Variants in CNTN5 observed in about 807,000 individuals in gnomAD.
CNTN5 encodes the protein contactin 5, also known as contactin-5.
A neutral mutation model predicts 129.1 loss-of-function variants in CNTN5; 77 were observed. The observed-to-expected ratio is 0.60, with a 90% confidence interval of 0.50 to 0.72. CNTN5 has a LOEUF of 0.72. Ranked by LOEUF, CNTN5 falls within the 30% of genes least tolerant of loss-of-function variation. CNTN5 has a pLI of 0.00. For synonymous variants in CNTN5, 509 were observed against 465.6 expected, an observed-to-expected ratio of 1.09 and a Z score of -1.20; for missense variants, 1,478 against 1,328.8, an observed-to-expected ratio of 1.11 and a Z score of -1.75.
intron 15 of CNTN5, among the ~76,000 whole-genome samples, chr11:100,197,682 C>G (rs948997380): frequency 6.6e-6 from 1 of 151,946 alleles, no homozygotes; most frequent in African/African-American, 2.4e-5. Flanking sequence ...GACTTGAAGT[C>G]CTCTAATTAT....
intron 2 of CNTN5, among the ~76,000 whole-genome samples, chr11:99,433,461 TAAAC>T (rs2135116889): frequency 6.6e-6 from 1 of 151,994 alleles, no homozygotes; most frequent in South Asian, 2.1e-4. Flanking sequence ...ATTTTTATGA[TAAAC>T]ATATCAGTTA....
chr11:99,598,253 GCTTTCC>G (rs1950184500), intron 3 of CNTN5, among the ~76,000 whole-genome samples: 2 of 88,358 alleles, frequency 2.3e-5, no homozygotes, highest in African/African-American at 3.9e-5. Flanking sequence ...CTTTTTCTTA[GCTTTCC>G]TTTTCTTTTC....
intron 13 of CNTN5, among the ~76,000 whole-genome samples, chr11:100,150,420 G>A (rs927933793): frequency 8.6e-5 from 13 of 151,778 alleles, no homozygotes; most frequent in African/African-American, 2.9e-4. Flanking sequence ...TTTCTTTAAT[G>A]TGTATGGCCA....
chr11:99,996,185 A>G (rs547350496), intron 8 of CNTN5, among the ~76,000 whole-genome samples: 1 of 151,844 alleles, frequency 6.6e-6, no homozygotes, highest in Non-Finnish European at 1.5e-5. Flanking sequence ...TTGCCAATTC[A>G]GTTATTAATT....
chr11:100,288,618 G>C (rs1338178639), intron 18 of CNTN5, among the ~76,000 whole-genome samples: 4 of 152,052 alleles, frequency 2.6e-5, no homozygotes, highest in African/African-American at 9.6e-5. Flanking sequence ...AGTGTGTACA[G>C]GGAAATTTAT....
intron 7 of CNTN5, among the ~76,000 whole-genome samples, chr11:99,919,794 T>C (rs1359938856): frequency 6.7e-6 from 1 of 149,704 alleles, no homozygotes; most frequent in Non-Finnish European, 1.5e-5. Flanking sequence ...TTTTGACTTT[T>C]CTAGAATATT....
rs539811239 is a variant in CNTN5 at position 99,254,425 on chromosome 11, G to A, written c.-209-70921G>A. On this transcript the variant is annotated intron_variant, in intron 1 of 24. Transcript: ENST00000524871. The stretch of plus-strand genomic sequence containing the variant: ...AGAATTATTTGTTATGAGAAAAGTA[G>A]TCATTTTGTTTTTCTCCAATTTGGA... 3.9e-5 allele frequency among the ~76,000 whole-genome samples: 6 copies of A among 152,068 alleles called. No homozygotes were observed. The East Asian group carries it at 1.2e-3, about 29-fold the overall frequency.
chr11:99,997,271 T>A (rs1337839889), intron 8 of CNTN5, among the ~76,000 whole-genome samples: 1 of 152,230 alleles, frequency 6.6e-6, no homozygotes, highest in Non-Finnish European at 1.5e-5. Context: ...ATATCTTGCC[T>A]TCTGCTAGCT....
At position 99,556,186 on chromosome 11, in the gene CNTN5, T is replaced by C; in HGVS notation, c.-29T>C. The C allele has an allele frequency of 7.0e-7, 1 of 1,432,812 alleles. No homozygotes were observed. Among genetic ancestry groups the C allele is most frequent in the Non-Finnish European group, 9.5e-7 (1 of 1,058,090 alleles). 88.8% of individuals were successfully genotyped at this position (1,432,812 alleles called of 1,614,324 possible). A position where few individuals can be genotyped will look rare whatever the true frequency, so the allele number is the denominator to read the frequency against. Reference sequence around the variant, plus strand: ...GAAACACCAGAGCTGTTAAACACATTGAGACACAGAAGATTCTAGTGACTG... The same window carrying C: ...GAAACACCAGAGCTGTTAAACACATCGAGACACAGAAGATTCTAGTGACTG... On this transcript the variant is annotated 5_prime_UTR_variant, in exon 3 of 25. Coordinates refer to ENST00000524871, the MANE Select transcript of CNTN5 (RefSeq NM_014361.4).
intron 13 of CNTN5, among the ~76,000 whole-genome samples, chr11:100,081,796 A>G (rs1565222663): frequency 6.6e-6 from 1 of 152,238 alleles, no homozygotes; most frequent in Admixed American, 6.5e-5. Context: ...ATGGAAATTG[A>G]CAAACATCTC....
intron 11 of CNTN5, among the ~76,000 whole-genome samples, 195 bp from the exon 12 acceptor site, chr11:100,071,510 A>T (rs1943922524): frequency 6.6e-6 from 1 of 152,194 alleles, no homozygotes. Context: ...TTCTTTTTCA[A>T]CCAATAAATA....
At chr11:99,736,714 A>C (rs752815171) in intron 3 of CNTN5, among the ~76,000 whole-genome samples, 2 of 152,178 alleles carry the variant, frequency 1.3e-5, no homozygotes, top group African/African-American at 2.4e-5. Flanking sequence ...GGTGATATTT[A>C]TACCAAAAAT....
At chr11:100,091,468 G>A (rs1198563502) in intron 13 of CNTN5, among the ~76,000 whole-genome samples, 2 of 96,952 alleles carry the variant, frequency 2.1e-5, no homozygotes, top group African/African-American at 4.1e-5. Flanking sequence ...TCACCCTTTT[G>A]CCCAGGCTAG....
At chr11:99,861,310 C>A (rs193187718) in intron 6 of CNTN5, among the ~76,000 whole-genome samples, 25 of 152,218 alleles carry the variant, frequency 1.6e-4, no homozygotes, top group African/African-American at 6.0e-4. Context: ...GCATAGTTCT[C>A]CTTGGAGAGA....
At chr11:99,802,011 A>C (rs1946128905) in intron 3 of CNTN5, among the ~76,000 whole-genome samples, 1 of 152,140 alleles carries the variant, frequency 6.6e-6, no homozygotes, top group Non-Finnish European at 1.5e-5. Flanking sequence ...GATTTCTAAT[A>C]TTTGTAATTT....
chr11:99,411,847 T>C (rs1942409193), intron 2 of CNTN5, among the ~76,000 whole-genome samples: 2 of 152,224 alleles, frequency 1.3e-5, no homozygotes. Context: ...TTCTTACATA[T>C]GGTTGATTGG....
intron 1 of CNTN5, among the ~76,000 whole-genome samples, chr11:99,102,896 G>A (rs540224875): frequency 3.9e-5 from 6 of 152,038 alleles, no homozygotes; most frequent in South Asian, 2.1e-4. Context: ...CCATTTTCAC[G>A]GTGCTAATGA....
intron 8 of CNTN5, among the ~76,000 whole-genome samples, chr11:99,994,683 G>A (rs1462742419): frequency 6.6e-6 from 1 of 152,128 alleles, no homozygotes; most frequent in African/African-American, 2.4e-5. Context: ...TTTAAGAATA[G>A]GCAGGGAAAT....
chr11:99,204,268 A>G (rs113971073), intron 1 of CNTN5, among the ~76,000 whole-genome samples: 2,022 of 152,332 alleles, frequency 0.013, 24 homozygotes, highest in Non-Finnish European at 0.017. Flanking sequence ...GTGTTTTTAA[A>G]TTCTTGACAG....
Sources: allele counts gnomAD v4.1 joint callset (sites outside exome capture counted in the v4.1 genomes callset), GRCh38; gene constraint gnomAD v4.1.1; transcripts MANE v1.5; gene names NCBI Gene and HGNC (gene_info 2026-07-23, HGNC 2026-07-21).